The following DLGAP1 variants were observed in gnomAD, a reference collection of about 807,000 sequenced individuals.
DLGAP1 encodes the protein disks large-associated protein 1.
DLGAP1 carries 11 observed loss-of-function variants against 90.8 expected under a neutral mutation model. That is an observed-to-expected ratio of 0.12 (90% CI 0.08 to 0.20). DLGAP1 has a LOEUF of 0.20. DLGAP1 is among the 10% of genes least tolerant of loss of function. DLGAP1 has a pLI of 1.00. For synonymous variants in DLGAP1, 558 were observed against 540.7 expected (o/e 1.03, Z -0.44); for missense variants, 1,050 against 1,333.8 (o/e 0.79, Z 3.31).
At chr18:3,523,472 A>G (rs188223484) in intron 10 of DLGAP1, among the ~76,000 whole-genome samples, 1 of 152,154 alleles carries the variant, frequency 6.6e-6, no homozygotes, top group Non-Finnish European at 1.5e-5. Context: ...AGGTTTGCAG[A>G]CTATAAATCC....
intron 7 of DLGAP1, among the ~76,000 whole-genome samples, chr18:3,588,676 A>G (rs2056045913): frequency 6.6e-6 from 1 of 150,460 alleles, no homozygotes; most frequent in East Asian, 2.0e-4. Context: ...GCTACTCAGG[A>G]GGCTGAGGCA....
At chr18:4,199,966 G>T (rs1270848971) in intron 1 of DLGAP1, among the ~76,000 whole-genome samples, 2 of 152,012 alleles carry the variant, frequency 1.3e-5, no homozygotes, top group African/African-American at 4.8e-5. Flanking sequence ...TGAAATCATG[G>T]TCTCATCATC....
At chr18:3,519,742 CA>C (rs1323257117) in intron 10 of DLGAP1, among the ~76,000 whole-genome samples, 2 of 152,180 alleles carry the variant, frequency 1.3e-5, no homozygotes, top group African/African-American at 4.8e-5. Context: ...TGCAAGGACA[CA>C]GGGTTTGTCC....
intron 4 of DLGAP1, among the ~76,000 whole-genome samples, chr18:3,864,103 A>G (rs767507315): frequency 5.9e-5 from 9 of 152,212 alleles, no homozygotes; most frequent in Non-Finnish European, 1.2e-4. Flanking sequence ...AACAAGTGCT[A>G]AAGAAATCTT....
intron 1 of DLGAP1, among the ~76,000 whole-genome samples, chr18:4,373,640 T>C (rs1225401336): frequency 6.6e-6 from 1 of 152,192 alleles, no homozygotes; most frequent in Non-Finnish European, 1.5e-5. Context: ...ACATCTCTTC[T>C]TTTTCTTCCT....
intron 7 of DLGAP1, among the ~76,000 whole-genome samples, chr18:3,715,403 A>G (rs9789113): frequency 0.55 from 83,087 of 152,148 alleles, 23,000 homozygotes; most frequent in East Asian, 0.72. Flanking sequence ...GAGCTTGCAC[A>G]GTGCTGCACT....
At chr18:4,283,813 T>TA (rs1180949206) in intron 1 of DLGAP1, among the ~76,000 whole-genome samples, 3 of 129,664 alleles carry the variant, frequency 2.3e-5, no homozygotes, top group African/African-American at 7.3e-5. Context: ...GCACTCTTTT[T>TA]TATAAAACTA....
intron 2 of DLGAP1, among the ~76,000 whole-genome samples, chr18:4,067,014 T>C (rs1170925357): frequency 2.0e-5 from 3 of 152,172 alleles, no homozygotes; most frequent in African/African-American, 7.2e-5. Flanking sequence ...AATGAGATCA[T>C]GTCCTTTGCA....
At chr18:4,116,914 T>C (rs1370483943) in intron 2 of DLGAP1, among the ~76,000 whole-genome samples, 1 of 152,212 alleles carries the variant, frequency 6.6e-6, no homozygotes, top group Admixed American at 6.5e-5. Flanking sequence ...GAGCTGAATA[T>C]GTTATGGGAT....
intron 10 of DLGAP1, among the ~76,000 whole-genome samples, chr18:3,525,695 C>T (rs1217278172): frequency 6.6e-6 from 1 of 152,098 alleles, no homozygotes; most frequent in Non-Finnish European, 1.5e-5. Context: ...CACTGCGCCC[C>T]ACCAGTCCAT....
chr18:3,748,329 A>G (rs941559922), intron 5 of DLGAP1, among the ~76,000 whole-genome samples: 2 of 152,262 alleles, frequency 1.3e-5, no homozygotes, highest in Admixed American at 6.5e-5. Flanking sequence ...AGTAATCATC[A>G]GACCACAAAG....
At chr18:3,916,327 G>T (rs768903967) in intron 3 of DLGAP1, among the ~76,000 whole-genome samples, 1 of 152,144 alleles carries the variant, frequency 6.6e-6, no homozygotes, top group Non-Finnish European at 1.5e-5. Context: ...GGGCAGGACA[G>T]CACGTGCAAT....
At chr18:4,120,498 C>T (rs1051327274) in intron 2 of DLGAP1, among the ~76,000 whole-genome samples, 2 of 152,152 alleles carry the variant, frequency 1.3e-5, no homozygotes, top group African/African-American at 2.4e-5. Flanking sequence ...AGCTTGTAAT[C>T]ATAAAATCTG....
At chr18:3,967,908 C>T (rs1050257942) in intron 3 of DLGAP1, among the ~76,000 whole-genome samples, 2 of 152,126 alleles carry the variant, frequency 1.3e-5, no homozygotes, top group African/African-American at 4.8e-5. Flanking sequence ...CACTGGACAC[C>T]TAACACCGAG....
chr18:4,191,458 C>G (rs571008819), intron 1 of DLGAP1, among the ~76,000 whole-genome samples: 3 of 152,260 alleles, frequency 2.0e-5, no homozygotes, highest in African/African-American at 7.2e-5. Context: ...TATATCTACT[C>G]TTTCCATTCG....
intron 8 of DLGAP1, among the ~76,000 whole-genome samples, chr18:3,576,794 A>G (rs1381981808): frequency 3.4e-5 from 5 of 146,454 alleles, no homozygotes; most frequent in African/African-American, 1.3e-4. Flanking sequence ...TCGAACTCCC[A>G]ACCTCAGGTG....
chr18:3,696,818 G>A (rs1040541305), intron 7 of DLGAP1, among the ~76,000 whole-genome samples: 11 of 152,088 alleles, frequency 7.2e-5, no homozygotes, highest in Admixed American at 6.6e-4. Context: ...CTGTGAATCT[G>A]TCTGGTCCTG....
intron 1 of DLGAP1, chr18:4,264,796 C>T (rs1020336711): frequency 6.6e-6 from 1 of 152,214 alleles, no homozygotes. Context: ...TTTGGAAGCT[C>T]ACTTCCAGCA....
At chr18:4,093,021 C>A (rs1228955385) in intron 2 of DLGAP1, among the ~76,000 whole-genome samples, 1 of 152,192 alleles carries the variant, frequency 6.6e-6, no homozygotes, top group Non-Finnish European at 1.5e-5. Flanking sequence ...GGATTTCAGG[C>A]TACTTGTTTA....
Sources: allele counts gnomAD v4.1 joint callset (sites outside exome capture counted in the v4.1 genomes callset), GRCh38; gene constraint gnomAD v4.1.1; transcripts MANE v1.5; gene names NCBI Gene and HGNC (gene_info 2026-07-23, HGNC 2026-07-21).